The following HECTD2 variants were observed in gnomAD, a reference collection of about 807,000 sequenced individuals.
The protein encoded by HECTD2 is HECT domain E3 ubiquitin protein ligase 2.
In HECTD2, 35 loss-of-function variants were observed where a neutral mutation model predicts 103.2. That is an observed-to-expected ratio of 0.34 (90% CI 0.26 to 0.45). The LOEUF is 0.45. Among genes scored for constraint, HECTD2 ranks in the 20% least tolerant of loss-of-function variants. HECTD2 has a pLI of 1.00. For missense variants in HECTD2, 596 were observed against 937.4 expected (o/e 0.64, Z 4.76); for synonymous variants, 281 against 329.9 (o/e 0.85, Z 1.61).
chr10:91,416,111 C>A (rs1351075838), intron 1 of HECTD2, among the ~76,000 whole-genome samples: 1 of 151,894 alleles, frequency 6.6e-6, no homozygotes, highest in African/African-American at 2.4e-5. Flanking sequence ...CATTAGGACA[C>A]AAATAATTTA....
intron 20 of HECTD2, among the ~76,000 whole-genome samples, chr10:91,504,352 C>A (rs1393146414): frequency 2.6e-5 from 4 of 151,608 alleles, no homozygotes; most frequent in Admixed American, 6.6e-5. Flanking sequence ...ACATTCAAAC[C>A]AAAGGCAAAG....
At chr10:91,482,920 A>T in intron 7 of HECTD2, 47 bp from the exon 8 acceptor site, 1 of 832,490 alleles carries the variant, frequency 1.2e-6, no homozygotes, top group Non-Finnish European at 1.9e-6. Context: ...CTTTCCTTTT[A>T]CGTGTTAACA....
rs1309769043 is a variant in HECTD2, at chr10:91,483,041, A to C, written c.786A>C (p.Glu262Asp). The part of the protein sequence containing the change: ...HLLRQIATLV[E>D]ADHHFLVHWF... ...TACGACAGATAGCTACCTTAGTGGA[A>C]GCTGACCATCATTTCCTAGTTCACT... is the stretch of plus-strand genomic sequence containing the variant. The change falls in exon 8 of 21, where the codon GAA becomes GAC. Residue 262 changes from glutamate (E) to aspartate (D), a missense_variant. By Grantham distance (45) the Glu-to-Asp change is conservative. Transcript: ENST00000298068. 1.9e-6 allele frequency: 3 copies of C among 1,580,612 alleles called. No homozygotes were observed. In the African/African-American group the frequency reaches 4.0e-5, roughly 21 times the overall value.
intron 1 of HECTD2, among the ~76,000 whole-genome samples, chr10:91,411,776 C>T (rs1842924874): frequency 6.6e-6 from 1 of 152,178 alleles, no homozygotes; most frequent in African/African-American, 2.4e-5. Flanking sequence ...TTAGGGATTA[C>T]CCTAGAAAAT....
chr10:91,452,389 G>A (rs1844872246), intron 2 of HECTD2, among the ~76,000 whole-genome samples: 1 of 151,986 alleles, frequency 6.6e-6, no homozygotes, highest in Non-Finnish European at 1.5e-5. Context: ...AAAGCAGCCA[G>A]GAAAAAATGA....
intron 2 of HECTD2, among the ~76,000 whole-genome samples, chr10:91,429,728 C>T (rs1312276737): frequency 6.6e-6 from 1 of 151,996 alleles, no homozygotes; most frequent in Non-Finnish European, 1.5e-5. Flanking sequence ...GGTGATATCC[C>T]CTTTATCATT....
intron 20 of HECTD2, among the ~76,000 whole-genome samples, chr10:91,501,778 C>CT (rs562187761): frequency 2.9e-4 from 41 of 139,730 alleles, no homozygotes; most frequent in Middle Eastern, 4.0e-3. Flanking sequence ...TACTAATCCT[C>CT]TTTTTTTTTT....
At chr10:91,426,485 A>C (rs1202436100) in intron 2 of HECTD2, among the ~76,000 whole-genome samples, 2 of 151,942 alleles carry the variant, frequency 1.3e-5, no homozygotes, top group Non-Finnish European at 2.9e-5. Context: ...CCTATTCTAC[A>C]TTCTTATAGG....
chr10:91,458,110 A>G (rs1438914497), intron 2 of HECTD2, among the ~76,000 whole-genome samples: 6 of 151,830 alleles, frequency 4.0e-5, no homozygotes, highest in African/African-American at 1.4e-4. Flanking sequence ...ATACACGATA[A>G]ACATACAAAA....
intron 2 of HECTD2, among the ~76,000 whole-genome samples, chr10:91,439,636 G>C (rs1289149534): frequency 6.6e-6 from 1 of 152,158 alleles, no homozygotes; most frequent in Non-Finnish European, 1.5e-5. Flanking sequence ...ATGGTAGCTT[G>C]ATGGGGATAG....
Position 91,499,151 on chromosome 10 carries a change from G to A in HECTD2, c.1950+1G>A, listed in dbSNP as rs774399944. On this transcript the variant is annotated splice_donor_variant, in intron 18 of 20. Transcript: ENST00000298068. LOFTEE classifies it high-confidence loss of function. ...TGTGTGTGCTTCAAATGCCCTAATGGTGAGTTTATAACTTTAAATCAAGCT... is the reference window on the plus strand; with the variant it reads ...TGTGTGTGCTTCAAATGCCCTAATGATGAGTTTATAACTTTAAATCAAGCT... The A allele has an allele frequency of 6.3e-7, 1 of 1,579,146 alleles. No homozygotes were observed. The highest frequency in any genetic ancestry group is 1.7e-5 in the Admixed American group (1 of 59,896).
rs772989121 is a variant in HECTD2 at position 91,487,744 on chromosome 10, G to A, written c.1157G>A (p.Arg386Lys). ...GCTGCAAAAAAAATCATTATTCAGA[G>A]AGACTCAGAGCAACAGATGATAAAC... ...SVAAKKIIIQRDSEQQMINIA... is the reference protein window; with the variant it reads ...SVAAKKIIIQKDSEQQMINIA... Residue 386 changes from arginine to lysine, a missense_variant, in exon 11 of 21, where the codon AGA becomes AAA. Physicochemically the swap from Arg to Lys is conservative, Grantham distance 26 (BLOSUM62 2). Coordinates refer to ENST00000298068, the MANE Select transcript of HECTD2 (RefSeq NM_182765.6). The surrounding 1 kb of genome is among the most constrained non-coding windows in gnomAD (Gnocchi z 4.1). 2 of 1,611,284 alleles carry A rather than the reference G, an allele frequency of 1.2e-6. No homozygotes were observed. Among genetic ancestry groups the A allele is most frequent in the South Asian group, 1.1e-5 (1 of 90,998 alleles).
intron 5 of HECTD2, among the ~76,000 whole-genome samples, chr10:91,469,759 C>T (rs1341739471): frequency 3.3e-5 from 5 of 152,100 alleles, no homozygotes; most frequent in African/African-American, 1.2e-4. Context: ...TAAATGTCTA[C>T]TTAAAAGGCA....
chr10:91,427,813 C>T (rs546510602), intron 2 of HECTD2, among the ~76,000 whole-genome samples: 2 of 151,834 alleles, frequency 1.3e-5, no homozygotes, highest in Non-Finnish European at 2.9e-5. Context: ...AAAATTTTTC[C>T]CATTTTGTAG....
rs890678478 is a variant in HECTD2 at position 91,462,718 on chromosome 10, A to G, written c.600+534A>G. The G allele has an allele frequency of 4.1e-6, 4 of 987,006 alleles. No homozygotes were observed. In the African/African-American group the frequency reaches 5.2e-5, roughly 13 times the overall value. The allele number at this position is 987,006 out of a possible 1,614,324, so 61.1% of individuals were successfully genotyped here. On this transcript the variant is annotated intron_variant, in intron 5 of 20. Coordinates refer to ENST00000298068, the MANE Select transcript of HECTD2 (RefSeq NM_182765.6). Reference sequence around the variant, plus strand: ...ATTTGAAGGACTAAGTGGGAATGATAAAGACAGAATGTAAACAAAGTCTCC... The same window carrying G: ...ATTTGAAGGACTAAGTGGGAATGATGAAGACAGAATGTAAACAAAGTCTCC...
Position 91,500,563 on chromosome 10 carries a change from C to A in HECTD2, c.2012C>A (p.Ala671Asp). 1 of 1,612,508 alleles carries A rather than the reference C, an allele frequency of 6.2e-7. No individual in the cohort carries two copies. The highest frequency in any genetic ancestry group is 8.5e-7 in the Non-Finnish European group (1 of 1,178,588). Reference protein sequence around the residue: ...VCGSPDLDMHALQRSTQYDGY... With the variant: ...VCGSPDLDMHDLQRSTQYDGY... ...GGAAGTCCTGACCTGGATATGCATGCTCTGCAGAGAAGTACTCAGTATGAT... is the reference window on the plus strand; with the variant it reads ...GGAAGTCCTGACCTGGATATGCATGATCTGCAGAGAAGTACTCAGTATGAT... Residue 671 changes from alanine to aspartate, a missense_variant, in exon 19 of 21, where the codon GCT becomes GAT. Coordinates refer to ENST00000298068, the MANE Select transcript of HECTD2 (RefSeq NM_182765.6).
At chr10:91,453,915 C>A (rs1205606600) in intron 2 of HECTD2, among the ~76,000 whole-genome samples, 1 of 151,884 alleles carries the variant, frequency 6.6e-6, no homozygotes, top group South Asian at 2.1e-4. Flanking sequence ...GGACTTAGAA[C>A]AAAGAAAACT....
intron 2 of HECTD2, among the ~76,000 whole-genome samples, chr10:91,432,636 T>A (rs548265572): frequency 6.6e-6 from 1 of 150,778 alleles, no homozygotes; most frequent in Non-Finnish European, 1.5e-5. Context: ...AGAATATCTT[T>A]AAAAGAAATG....
At chr10:91,506,204 A>G (rs1414152270) in intron 20 of HECTD2, among the ~76,000 whole-genome samples, 2 of 115,038 alleles carry the variant, frequency 1.7e-5, no homozygotes, top group South Asian at 3.0e-4. Flanking sequence ...TAACATCACA[A>G]TTAAAAGAAC....
Sources: gnomAD v4.1 joint callset for allele counts (sites outside exome capture counted in the v4.1 genomes callset) on GRCh38, gnomAD v4.1.1 for gene constraint, Gnocchi (gnomAD v3.1) non-coding constraint, MANE v1.5 for transcripts, NCBI Gene and HGNC (gene_info 2026-07-23, HGNC 2026-07-21) for gene names.